Variants in CERKL observed in about 807,000 individuals in gnomAD.
CERKL encodes the protein CERK like autophagy regulator.
CERKL carries 61 observed loss-of-function variants against 63.4 expected under a neutral mutation model. The observed-to-expected ratio is 0.96, with a 90% CI of 0.78 to 1.19. The LOEUF is 1.19. Ranked by LOEUF, CERKL falls within the 50% of genes most tolerant of loss-of-function variation. The probability of loss-of-function intolerance (pLI) is 0.00; values close to 1 mark genes in which losing one functional copy is unlikely to be tolerated. For missense variants in CERKL, 675 were observed against 655.5 expected (o/e 1.03, Z -0.33); for synonymous variants, 250 against 230.5 (o/e 1.08, Z -0.77).
rs1217235385 is a variant in CERKL at position 181,635,292 on chromosome 2, CAT to C, written c.238+21475_238+21476del. The stretch of plus-strand genomic sequence containing the variant: ...TAGTTCAGAAGCTAGGGTACCAAGA[CAT>C]ATTGTTTTTTCCTCAAATATGAAAA... On this transcript the variant is annotated intron_variant, in intron 1 of 12. Transcript: ENST00000410087. Among the ~76,000 whole-genome samples, 50 of 152,142 alleles carry C rather than the reference CAT, an allele frequency of 3.3e-4. 2 individuals carry two copies. The highest frequency in any genetic ancestry group is 3.1e-3 in the Admixed American group (48 of 15,272).
At chr2:181,622,757 CA>C (rs1686510451) in intron 1 of CERKL, among the ~76,000 whole-genome samples, 1 of 152,126 alleles carries the variant, frequency 6.6e-6, no homozygotes, top group African/African-American at 2.4e-5. Context: ...AAAATTTATA[CA>C]AATTACAAAG....
chr2:181,564,353 T>C (rs1688574564), intron 4 of CERKL, among the ~76,000 whole-genome samples: 2 of 152,232 alleles, frequency 1.3e-5, no homozygotes, highest in African/African-American at 2.4e-5. Flanking sequence ...CTGAAATAAA[T>C]CAGCATGCCA....
At chr2:181,617,387 C>G (rs184736644) in intron 1 of CERKL, 101 of 152,302 alleles carry the variant, frequency 6.6e-4, no homozygotes, top group African/African-American at 2.0e-3. Flanking sequence ...AATACAGACT[C>G]TGGTATTGAG....
chr2:181,542,359 C>A (rs1420547538), intron 11 of CERKL, among the ~76,000 whole-genome samples: 1 of 152,186 alleles, frequency 6.6e-6, no homozygotes, highest in African/African-American at 2.4e-5. Flanking sequence ...AGATGTTACT[C>A]TCCTTAAACT....
chr2:181,643,617 T>A (rs1378085751), intron 1 of CERKL, among the ~76,000 whole-genome samples: 1 of 152,232 alleles, frequency 6.6e-6, no homozygotes, highest in Non-Finnish European at 1.5e-5. Flanking sequence ...AAATCACATA[T>A]CAGCACAGAA....
At chr2:181,631,558 A>AC (rs1414640703) in intron 1 of CERKL, among the ~76,000 whole-genome samples, 1 of 149,304 alleles carries the variant, frequency 6.7e-6, no homozygotes. Flanking sequence ...CCTCCACAGC[A>AC]CCCCCCTTCA....
chr2:181,597,422 AAAG>A (rs1180541066), intron 2 of CERKL, among the ~76,000 whole-genome samples: 1 of 152,134 alleles, frequency 6.6e-6, no homozygotes, highest in Non-Finnish European at 1.5e-5. Context: ...CTCTTCTTAG[AAAG>A]AAGATCAAAG....
Position 181,539,915 on chromosome 2 carries a change from C to T in CERKL, c.1366-651G>A, listed in dbSNP as rs183752587. 3.3e-5 allele frequency among the ~76,000 whole-genome samples: 5 copies of T among 152,222 alleles called. No individual in the cohort carries two copies. In the East Asian group the frequency reaches 9.7e-4, roughly 29 times the overall value. ...TGAAAAAGCACTATGTATTTTCTGA[C>T]ATAATTAAGAAAATATAGCCAAATA... On this transcript the variant is annotated intron_variant, in intron 11 of 12. Transcript: ENST00000410087.
chr2:181,578,540 C>A (rs1325328645), intron 2 of CERKL, among the ~76,000 whole-genome samples: 1 of 150,246 alleles, frequency 6.7e-6, no homozygotes, highest in Admixed American at 6.6e-5. Context: ...TCAAGTGAAT[C>A]ACCTGCCTCA....
intron 1 of CERKL, among the ~76,000 whole-genome samples, chr2:181,607,337 A>T (rs917279547): frequency 7.2e-5 from 11 of 152,306 alleles, no homozygotes; most frequent in Non-Finnish European, 7.4e-5. Flanking sequence ...GCCTTTTACA[A>T]ATTCAACATT....
At chr2:181,620,517 A>G (rs1026466088) in intron 1 of CERKL, among the ~76,000 whole-genome samples, 1 of 152,242 alleles carries the variant, frequency 6.6e-6, no homozygotes, top group African/African-American at 2.4e-5. Context: ...AAAAGTATTC[A>G]GAACAACTGT....
At chr2:181,632,436 A>G (rs183688743) in intron 1 of CERKL, among the ~76,000 whole-genome samples, 54 of 152,338 alleles carry the variant, frequency 3.5e-4, no homozygotes, top group Admixed American at 2.3e-3. Context: ...AAGAGTTCCC[A>G]TAGAATGATT....
intron 5 of CERKL, among the ~76,000 whole-genome samples, chr2:181,556,604 T>C (rs1193484194): frequency 6.6e-6 from 1 of 152,228 alleles, no homozygotes; most frequent in African/African-American, 2.4e-5. Flanking sequence ...TAGTATTCCA[T>C]GGTGTATATA....
In CERKL at chr2:181,558,360, G is replaced by A. The variant is rs965914604; in HGVS notation, c.820+206C>T. Among the ~76,000 whole-genome samples, 1 of 152,092 alleles carries A rather than the reference G, an allele frequency of 6.6e-6. No individual in the cohort carries two copies. Among genetic ancestry groups the A allele is most frequent in the African/African-American group, 2.4e-5 (1 of 41,420 alleles). ...TTGTAATAAAGTGAATAATATATCT[G>A]TGATCCCTATTCTATAGATTAGAAA... On this transcript the variant is annotated intron_variant, in intron 5 of 12. Transcript: ENST00000410087. The surrounding 1 kb of genome is among the most constrained non-coding windows in gnomAD (Gnocchi z 4.2).
At chr2:181,563,735 G>A (rs1402772943) in intron 4 of CERKL, among the ~76,000 whole-genome samples, 1 of 152,078 alleles carries the variant, frequency 6.6e-6, no homozygotes, top group Non-Finnish European at 1.5e-5. Flanking sequence ...TTACTTGCAA[G>A]AGAATTGTTC....
intron 10 of CERKL, among the ~76,000 whole-genome samples, chr2:181,547,302 G>T (rs991350037): frequency 9.9e-5 from 15 of 152,110 alleles, no homozygotes; most frequent in Non-Finnish European, 2.2e-4. Context: ...ACATTCACAA[G>T]AAATATCAGT....
chr2:181,612,997 T>C (rs1373459762), intron 1 of CERKL, among the ~76,000 whole-genome samples: 3 of 152,182 alleles, frequency 2.0e-5, no homozygotes, highest in African/African-American at 7.2e-5. Context: ...ACACCTTTTT[T>C]TGGTGTGTTG....
intron 2 of CERKL, among the ~76,000 whole-genome samples, chr2:181,583,395 G>A (rs998342830): frequency 1.3e-5 from 2 of 152,118 alleles, no homozygotes; most frequent in Non-Finnish European, 2.9e-5. Flanking sequence ...CATGAATAGT[G>A]AAATAGTCAG....
Position 181,656,982 on chromosome 2 carries a change from G to T in CERKL, c.25C>A (p.Arg9=), listed in dbSNP as rs1297337463. 2 of 1,581,232 alleles carry T rather than the reference G, an allele frequency of 1.3e-6. No homozygotes were observed. Among genetic ancestry groups the T allele is most frequent in the Non-Finnish European group, 1.7e-6 (2 of 1,167,860 alleles). Residue 9 remains arginine (R), a synonymous_variant, in exon 1 of 13, where the codon CGG becomes AGG. Transcript: ENST00000410087. ...CGGCCGCCCTCCAGGGCACTCACCC[G>T]GTTCCTGCGCCTCCTCCAGGGCATG... MPWRRRRN[R]VSALEGGREE... is the part of the protein sequence containing the mutation.
Sources: gnomAD v4.1 joint callset for allele counts (sites outside exome capture counted in the v4.1 genomes callset) on GRCh38, gnomAD v4.1.1 for gene constraint, Gnocchi (gnomAD v3.1) non-coding constraint, MANE v1.5 for transcripts, NCBI Gene and HGNC (gene_info 2026-07-23, HGNC 2026-07-21) for gene names.